Variants in RAB5C observed in about 807,000 individuals in gnomAD.
RAB5C encodes ras-related protein Rab-5C.
Under a neutral mutation model 25.2 loss-of-function variants are expected in RAB5C, and 4 were observed. The observed-to-expected ratio is 0.16, with a 90% CI of 0.08 to 0.36. RAB5C has a LOEUF of 0.36. Ranked by LOEUF, RAB5C falls within the 10% of genes least tolerant of loss-of-function variation. The pLI is 1.00. For synonymous variants in RAB5C, 100 were observed against 106.4 expected (o/e 0.94, Z 0.37); for missense variants, 199 against 283.8 (o/e 0.70, Z 2.15).
At chr17:42,139,132 A>G (rs1265855144) in intron 1 of RAB5C, among the ~76,000 whole-genome samples, 1 of 152,234 alleles carries the variant, frequency 6.6e-6, no homozygotes, top group Non-Finnish European at 1.5e-5. Flanking sequence ...ACCCACAGGG[A>G]GGAAGACTAT....
intron 5 of RAB5C, 121 bp downstream of exon 5, chr17:42,126,631 CAAA>C (rs71357528): frequency 0.018 from 1,489 of 84,106 alleles, no homozygotes; most frequent in South Asian, 0.028. Context: ...GACTCCATCT[CAAA>C]AAAAAAAAAA....
intron 1 of RAB5C, among the ~76,000 whole-genome samples, chr17:42,151,424 G>A (rs1037072101): frequency 5.3e-5 from 8 of 151,488 alleles, no homozygotes; most frequent in Admixed American, 2.6e-4. Flanking sequence ...GCGACAGAGC[G>A]AGACTCCGAC....
chr17:42,131,467 AAC>A (rs532854498), intron 1 of RAB5C: 37 of 768,170 alleles, frequency 4.8e-5, no homozygotes, highest in Middle Eastern at 2.7e-4. Flanking sequence ...AACACATGCC[AAC>A]ACACACACAG....
intron 1 of RAB5C, among the ~76,000 whole-genome samples, chr17:42,144,176 G>A (rs573086189): frequency 6.6e-6 from 1 of 152,264 alleles, no homozygotes; most frequent in Non-Finnish European, 1.5e-5. Flanking sequence ...GGGAGAATAG[G>A]CCAGGCGCAG....
intron 1 of RAB5C, among the ~76,000 whole-genome samples, chr17:42,136,941 C>A (rs528881793): frequency 6.6e-6 from 1 of 152,280 alleles, no homozygotes; most frequent in South Asian, 2.1e-4. Context: ...ACAGGGACTG[C>A]GACCTTCTAT....
chr17:42,126,556 T>TG (rs1011345054), intron 5 of RAB5C, 199 bp downstream of exon 5: 13 of 290,128 alleles, frequency 4.5e-5, no homozygotes, highest in South Asian at 1.7e-4. Context: ...GGCGTGAACC[T>TG]GGGGGGCGGA....
intron 1 of RAB5C, among the ~76,000 whole-genome samples, chr17:42,134,952 T>A (rs1460972526): frequency 1.4e-5 from 2 of 147,754 alleles, no homozygotes; most frequent in African/African-American, 5.0e-5. Context: ...TACAGGTCAG[T>A]GGGTCTCAAA....
chr17:42,130,175 C>T (rs2054469902), intron 2 of RAB5C, 162 bp downstream of exon 2: 2 of 953,464 alleles, frequency 2.1e-6, no homozygotes, highest in South Asian at 3.8e-5. Context: ...GGCATGGAGA[C>T]CAGTTGCTGG....
intron 4 of RAB5C, 141 bp downstream of exon 4, chr17:42,128,120 G>T: frequency 8.0e-7 from 1 of 1,248,802 alleles, no homozygotes; most frequent in Non-Finnish European, 1.1e-6. Context: ...TTAGGCCCAT[G>T]CCTGAGGCAC....
intron 1 of RAB5C, among the ~76,000 whole-genome samples, chr17:42,140,572 G>A (rs2054588594): frequency 7.1e-6 from 1 of 141,530 alleles, no homozygotes; most frequent in Non-Finnish European, 1.5e-5. Context: ...CGCCCAGGCT[G>A]GAGTGCAGTG....
intron 5 of RAB5C, 30 bp from the exon 6 acceptor site, chr17:42,125,928 T>G: frequency 6.6e-7 from 1 of 1,524,992 alleles, no homozygotes. Context: ...GTGCATTTGT[T>G]GGGGGTACCC....
chr17:42,146,930 C>T (rs1484441503), intron 1 of RAB5C, among the ~76,000 whole-genome samples: 5 of 150,756 alleles, frequency 3.3e-5, no homozygotes, highest in East Asian at 1.9e-4. Flanking sequence ...GGCATGAACC[C>T]GGGAGCTTGC....
At chr17:42,130,715 A>C in intron 1 of RAB5C, 125 bp from the exon 2 acceptor site, 5 of 1,208,622 alleles carry the variant, frequency 4.1e-6, no homozygotes, top group South Asian at 1.7e-5. Context: ...CCCTCACCTC[A>C]CCTCCCTGCC....
At chr17:42,147,785 G>C (rs972697283) in intron 1 of RAB5C, among the ~76,000 whole-genome samples, 11 of 152,216 alleles carry the variant, frequency 7.2e-5, no homozygotes, top group African/African-American at 2.7e-4. Context: ...AAGAAAGGAA[G>C]GGAAGTGTGT....
chr17:42,151,618 G>GC (rs199749663), intron 1 of RAB5C, among the ~76,000 whole-genome samples: 1 of 148,724 alleles, frequency 6.7e-6, no homozygotes, highest in Admixed American at 6.7e-5. Context: ...CTAACCAGAG[G>GC]CCCGCTCTGT....
intron 1 of RAB5C, among the ~76,000 whole-genome samples, chr17:42,138,596 C>A (rs2054561059): frequency 6.6e-6 from 1 of 152,214 alleles, no homozygotes; most frequent in Non-Finnish European, 1.5e-5. Flanking sequence ...CCCCCACCTT[C>A]CTTAACTGAG....
intron 3 of RAB5C, 115 bp from the exon 4 acceptor site, chr17:42,128,498 G>A: frequency 6.8e-7 from 1 of 1,460,956 alleles, no homozygotes; most frequent in Admixed American, 2.3e-5. Context: ...GCCACCTAAA[G>A]ATTCTGATGC....
intron 1 of RAB5C, among the ~76,000 whole-genome samples, chr17:42,135,260 ATT>A (rs544805007): frequency 2.6e-4 from 35 of 134,072 alleles, no homozygotes; most frequent in Admixed American, 1.5e-4. Context: ...GCCACCTGTA[ATT>A]TTTTTTTTTT....
chr17:42,131,844 CTCATCAGACATATACATCTGATG>C, intron 1 of RAB5C: 1 of 505,730 alleles, frequency 2.0e-6, no homozygotes, highest in South Asian at 2.3e-5. Context: ...AAGTGGATGT[CTCATCAGACATATACATCTGATG>C]TCAACAGACA....
Sources: gnomAD v4.1 joint callset for allele counts (sites outside exome capture counted in the v4.1 genomes callset) on GRCh38, gnomAD v4.1.1 for gene constraint, MANE v1.5 for transcripts, NCBI Gene and HGNC (gene_info 2026-07-23, HGNC 2026-07-21) for gene names.